SPAG17: variants seen among roughly 807,000 people sequenced by gnomAD.
SPAG17 encodes sperm associated antigen 17, also known as sperm-associated antigen 17.
Under a neutral mutation model 273.6 loss-of-function variants are expected in SPAG17, and 169 were observed. The ratio of observed to expected loss-of-function variants is 0.62; its 90% CI spans 0.55 to 0.70. SPAG17 has a LOEUF of 0.70. SPAG17 is among the 30% of genes least tolerant of loss of function. SPAG17 has a pLI of 0.00. For synonymous variants in SPAG17, 825 were observed against 873.2 expected, an observed-to-expected ratio of 0.94 and a Z score of 0.97; for missense variants, 2,557 against 2,627.8, an observed-to-expected ratio of 0.97 and a Z score of 0.59.
intron 43 of SPAG17, among the ~76,000 whole-genome samples, chr1:117,979,028 T>C (rs529704458): frequency 1.2e-4 from 19 of 152,086 alleles, no homozygotes; most frequent in African/African-American, 4.1e-4. Context: ...CCACCATGCC[T>C]GGCTAATTTT....
intron 4 of SPAG17, among the ~76,000 whole-genome samples, chr1:118,108,704 CT>C (rs560213815): frequency 0.027 from 3,925 of 143,070 alleles, 43 homozygotes; most frequent in African/African-American, 0.039. Context: ...CCACAGATTA[CT>C]TTTTTTTTTT....
Position 118,040,839 on chromosome 1 carries a change from A to T in SPAG17, c.3057T>A (p.Phe1019Leu). 6.5e-7 allele frequency: 1 copy of T among 1,538,326 alleles called. No individual in the cohort carries two copies. Among genetic ancestry groups the T allele is most frequent in the Non-Finnish European group, 9.0e-7 (1 of 1,110,420 alleles). ...GTATATTTCCCATATTGTATCCGTG[A>T]AACTAGAAGAGAAAATATTATGCTT... is the stretch of plus-strand genomic sequence containing the variant. ...HQPEPKITYP[F>L]HGYNMGNIPT... Residue 1019 changes from phenylalanine (F) to leucine (L), a missense_variant and splice_region_variant, in exon 22 of 49, where the codon TTT (phenylalanine) becomes TTA (leucine). By Grantham distance (22) the Phe-to-Leu change is conservative. Transcript: ENST00000336338.
chr1:118,056,026 G>A, intron 18 of SPAG17, 112 bp from the exon 19 acceptor site: 1 of 801,614 alleles, frequency 1.2e-6, no homozygotes, highest in East Asian at 2.5e-5. Flanking sequence ...TAATGAGTTT[G>A]AATACATCCT....
intron 1 of SPAG17, among the ~76,000 whole-genome samples, chr1:118,161,361 TAAAC>T (rs748941789): frequency 2.7e-4 from 41 of 152,060 alleles, no homozygotes; most frequent in Non-Finnish European, 5.3e-4. Context: ...GGTCAGACCT[TAAAC>T]AGACAAGTGG....
At chr1:118,089,647 G>A (rs901532515) in intron 10 of SPAG17, among the ~76,000 whole-genome samples, 15 of 152,232 alleles carry the variant, frequency 9.9e-5, no homozygotes, top group African/African-American at 2.9e-4. Context: ...AAAGGAAGAC[G>A]ACAATGCAGA....
chr1:117,979,221 C>T (rs1200775432), intron 43 of SPAG17, among the ~76,000 whole-genome samples: 1 of 152,088 alleles, frequency 6.6e-6, no homozygotes. Context: ...CTGACTTTTA[C>T]CTTCTAGAGT....
At position 118,091,590 on chromosome 1, in the gene SPAG17, G is replaced by GA. The variant is rs1655375053; in HGVS notation, c.1359+15dup. 1 of 1,482,752 alleles carries GA rather than the reference G, an allele frequency of 6.7e-7. No individual in the cohort carries two copies. 91.8% of individuals were successfully genotyped at this position (1,482,752 alleles called of 1,614,324 possible). Reference sequence around the variant, plus strand: ...CGACTTACTCAAGTATACAACCTGGGAAAAAGCCTCCCCACCTGTTCCAGC... The same window carrying GA: ...CGACTTACTCAAGTATACAACCTGGGAAAAAAGCCTCCCCACCTGTTCCAGC... On this transcript the variant is annotated intron_variant, in intron 10 of 48. Transcript: ENST00000336338.
intron 20 of SPAG17, among the ~76,000 whole-genome samples, chr1:118,046,176 A>G (rs1423514752): frequency 2.0e-5 from 3 of 151,974 alleles, no homozygotes; most frequent in Non-Finnish European, 2.9e-5. Flanking sequence ...ATCTCTACAA[A>G]AAGTTAAAAA....
rs747666198 is a variant in SPAG17, at chr1:117,984,823, A to C, written c.5670-41T>G. ...ATGATGATGCAAAAGAAGACATAGA[A>C]TATTTTAAAGTGTTGTTTGTTTGTG... On this transcript the variant is annotated intron_variant, in intron 40 of 48. Coordinates refer to ENST00000336338, the MANE Select transcript of SPAG17 (RefSeq NM_206996.4). 1.8e-5 allele frequency: 24 copies of C among 1,307,208 alleles called. No homozygotes were observed. In the African/African-American group the frequency reaches 3.2e-4, roughly 17 times the overall value. 81.0% of individuals were successfully genotyped at this position (1,307,208 alleles called of 1,614,324 possible).
intron 25 of SPAG17, 94 bp downstream of exon 25, chr1:118,031,598 A>G: frequency 8.0e-7 from 1 of 1,250,474 alleles, no homozygotes; most frequent in Non-Finnish European, 1.1e-6. Flanking sequence ...AAACGTATGC[A>G]CTATAATAAC....
intron 18 of SPAG17, among the ~76,000 whole-genome samples, chr1:118,060,801 A>G (rs1302938817): frequency 1.3e-5 from 2 of 151,996 alleles, no homozygotes; most frequent in African/African-American, 2.4e-5. Flanking sequence ...AGTATTCTCA[A>G]TTGTGTTATA....
chr1:118,155,640 C>T (rs769706445), intron 1 of SPAG17, among the ~76,000 whole-genome samples: 2 of 152,154 alleles, frequency 1.3e-5, no homozygotes, highest in African/African-American at 4.8e-5. Flanking sequence ...TAGTGGTCAG[C>T]GCCCTTATTA....
intron 3 of SPAG17, among the ~76,000 whole-genome samples, chr1:118,126,354 C>T (rs1480819666): frequency 2.0e-5 from 3 of 151,190 alleles, no homozygotes; most frequent in African/African-American, 4.9e-5. Flanking sequence ...TACAGGCGCC[C>T]GCCACTACAC....
chr1:118,045,873 A>G (rs1650292042), intron 20 of SPAG17, among the ~76,000 whole-genome samples: 1 of 152,190 alleles, frequency 6.6e-6, no homozygotes, highest in African/African-American at 2.4e-5. Flanking sequence ...GTGTGGGGAA[A>G]AAAACACCCA....
intron 7 of SPAG17, among the ~76,000 whole-genome samples, chr1:118,096,936 T>C (rs185177440): frequency 1.3e-5 from 2 of 152,194 alleles, no homozygotes; most frequent in Non-Finnish European, 2.9e-5. Context: ...CCAAATATAT[T>C]AAAAATAAGA....
intron 4 of SPAG17, among the ~76,000 whole-genome samples, chr1:118,111,433 G>A (rs1656745482): frequency 6.6e-6 from 1 of 152,026 alleles, no homozygotes; most frequent in Non-Finnish European, 1.5e-5. Context: ...TCTAAACTGA[G>A]TTCCTGCTCT....
At chr1:118,163,986 C>T (rs762153641) in intron 1 of SPAG17, among the ~76,000 whole-genome samples, 1 of 152,192 alleles carries the variant, frequency 6.6e-6, no homozygotes, top group Non-Finnish European at 1.5e-5. Flanking sequence ...GACCTTCTCT[C>T]TAACTTGACT....
chr1:118,126,204 T>TC (rs1491117717), intron 3 of SPAG17, among the ~76,000 whole-genome samples: 28 of 39,064 alleles, frequency 7.2e-4, no homozygotes, highest in Admixed American at 5.5e-3. Flanking sequence ...TCCTTTATCC[T>TC]TTTTTTTTTT....
intron 3 of SPAG17, among the ~76,000 whole-genome samples, chr1:118,142,641 T>C (rs182520302): frequency 3.8e-4 from 58 of 152,320 alleles, no homozygotes; most frequent in African/African-American, 1.4e-3. Context: ...ATAAGTATTT[T>C]ATATTTACTA....
Sources: gnomAD v4.1 joint callset for allele counts (sites outside exome capture counted in the v4.1 genomes callset) on GRCh38, gnomAD v4.1.1 for gene constraint, MANE v1.5 for transcripts, NCBI Gene and HGNC (gene_info 2026-07-23, HGNC 2026-07-21) for gene names.